The following BCL9 variants were observed in gnomAD, a reference collection of about 807,000 sequenced individuals.
BCL9 encodes the protein B-cell CLL/lymphoma 9 protein.
Under a neutral mutation model 88.5 loss-of-function variants are expected in BCL9, and 25 were observed. The observed-to-expected ratio is 0.28, with a 90% CI of 0.21 to 0.39. BCL9 has a LOEUF of 0.39. Ranked by LOEUF, BCL9 falls within the 10% of genes least tolerant of loss-of-function variation. The probability of loss-of-function intolerance (pLI) is 1.00; values close to 1 mark genes in which losing one functional copy is unlikely to be tolerated. For missense variants in BCL9, 1,817 were observed against 1,877.8 expected (o/e 0.97, Z 0.60); for synonymous variants, 711 against 673.3 (o/e 1.06, Z -0.87).
In BCL9 at chr1:147,557,883, G is replaced by A. The variant is rs148702827; in HGVS notation, c.-478+16209G>A. Among the ~76,000 whole-genome samples, 142 of 152,260 alleles carry A rather than the reference G, an allele frequency of 9.3e-4. 1 individual carries two copies. The highest frequency in any genetic ancestry group is 3.2e-3 in the African/African-American group (135 of 41,570). ...AGCAGTTGTCTAAAACAGGAAGGATGAAATTAACATTGTACTGAGTACTCA... is the reference window on the plus strand; with the variant it reads ...AGCAGTTGTCTAAAACAGGAAGGATAAAATTAACATTGTACTGAGTACTCA... On this transcript the variant is annotated intron_variant, in intron 1 of 9. Transcript: ENST00000234739.
intron 1 of BCL9, among the ~76,000 whole-genome samples, chr1:147,567,376 A>G (rs1329943760): frequency 2.0e-5 from 3 of 152,220 alleles, no homozygotes; most frequent in African/African-American, 4.8e-5. Flanking sequence ...ATCAGTAAGT[A>G]TAGGAAGAGA....
chr1:147,605,225 C>G (rs1553201834), intron 2 of BCL9, among the ~76,000 whole-genome samples: 1 of 152,144 alleles, frequency 6.6e-6, no homozygotes, highest in Non-Finnish European at 1.5e-5. Flanking sequence ...AATACACAAG[C>G]CCCAAGCTCA....
At chr1:147,576,247 G>C (rs587688200) in intron 1 of BCL9, among the ~76,000 whole-genome samples, 6 of 152,142 alleles carry the variant, frequency 3.9e-5, no homozygotes, top group African/African-American at 1.4e-4. Context: ...CTTGCACAAA[G>C]TATAAAATTC....
At chr1:147,617,486 T>C (rs976725762) in intron 7 of BCL9, among the ~76,000 whole-genome samples, 1 of 151,968 alleles carries the variant, frequency 6.6e-6, no homozygotes, top group Admixed American at 6.6e-5. Context: ...ATATGAAATA[T>C]ACTTTTAACT....
chr1:147,622,184 C>T, intron 8 of BCL9, 87 bp from the exon 9 acceptor site: 2 of 1,522,432 alleles, frequency 1.3e-6, no homozygotes, highest in East Asian at 4.5e-5. Flanking sequence ...TCATTCCTGG[C>T]CTTGCTAGTT....
Position 147,623,973 on chromosome 1 carries a change from G to A in BCL9, c.3295G>A (p.Gly1099Arg). Residue 1099 changes from glycine to arginine, a missense_variant, in exon 10 of 10, where the codon GGA becomes AGA. By Grantham distance (125) the Gly-to-Arg change is moderately radical. This residue lies in a region of BCL9 where 589 missense variants were observed against 686.2 expected (regional missense o/e 0.86). Transcript: ENST00000234739. ...TCAGATGCCCTCTCCAAATGCCGTG[G>A]GACCCAACATACCTCCTCATGGGGT... is the stretch of plus-strand genomic sequence containing the variant. ...SNQMPSPNAV[G>R]PNIPPHGVPM... 1.9e-6 allele frequency: 3 copies of A among 1,614,122 alleles called. No individual in the cohort carries two copies. The highest frequency in any genetic ancestry group is 1.1e-5 in the South Asian group (1 of 91,076).
chr1:147,620,490 A>G lies in BCL9; in HGVS notation c.2335A>G (p.Met779Val), dbSNP rs781791558. Residue 779 changes from methionine to valine, a missense_variant, in exon 8 of 10, where the codon ATG (methionine) becomes GTG (valine). Transcript: ENST00000234739. ...TGAGCACCCCCAGCAGGAGTATGGC[A>G]TGGGCCCCAGACCATTCCTTCCCAT... ...FGEHPQQEYG[M>V]GPRPFLPMSQ... is the part of the protein sequence containing the mutation. The G allele has an allele frequency of 1.2e-6, 2 of 1,614,020 alleles. No homozygotes were observed. Among genetic ancestry groups the G allele is most frequent in the Middle Eastern group, 1.6e-4 (1 of 6,084 alleles).
chr1:147,624,485 G>A lies in BCL9; in HGVS notation c.3807G>A (p.Gly1269=). Residue 1269 remains glycine, a synonymous_variant, in exon 10 of 10, where the codon GGG becomes GGA. Coordinates refer to ENST00000234739, the MANE Select transcript of BCL9 (RefSeq NM_004326.4). This position sits in a 1 kb window ranked among gnomAD's most constrained non-coding sequence, Gnocchi z 4.4. The part of the protein sequence containing the change: ...GRKQPQGPGP[G]FSHMQGMMGE... ...AACAGCCCCAGGGTCCTGGACCTGGGTTTTCACACATGCAGGGGATGATGG... is the reference window on the plus strand; with the variant it reads ...AACAGCCCCAGGGTCCTGGACCTGGATTTTCACACATGCAGGGGATGATGG... 2 of 1,614,210 alleles carry A rather than the reference G, an allele frequency of 1.2e-6. No homozygotes were observed. The highest frequency in any genetic ancestry group is 8.5e-7 in the Non-Finnish European group (1 of 1,180,030).
At chr1:147,612,456 C>CAGGGAAG (rs1658057580) in intron 4 of BCL9, among the ~76,000 whole-genome samples, 1 of 152,160 alleles carries the variant, frequency 6.6e-6, no homozygotes, top group Non-Finnish European at 1.5e-5. Flanking sequence ...TTGGGACCAG[C>CAGGGAAG]TTGCATTTTC....
rs375138650 is a variant in BCL9 at position 147,620,242 on chromosome 1, G to A, written c.2087G>A (p.Gly696Glu). 6.2e-7 allele frequency: 1 copy of A among 1,614,132 alleles called. No homozygotes were observed. Residue 696 changes from glycine to glutamate, a missense_variant, in exon 8 of 10, where the codon GGA (glycine) becomes GAA (glutamate). This residue lies in a region of BCL9 where 1,228 missense variants were observed against 1,191.6 expected (regional missense o/e 1.03). Coordinates refer to ENST00000234739, the MANE Select transcript of BCL9 (RefSeq NM_004326.4). ...CCTTCTAGGGGTGACTTTCCAAAAGGAATTCCCCCACAGATGGGCCCTGGT... is the reference window on the plus strand; with the variant it reads ...CCTTCTAGGGGTGACTTTCCAAAAGAAATTCCCCCACAGATGGGCCCTGGT... Reference protein sequence around the residue: ...LSPSRGDFPKGIPPQMGPGRE... With the variant: ...LSPSRGDFPKEIPPQMGPGRE...
chr1:147,595,161 G>T (rs1211067678), intron 1 of BCL9, among the ~76,000 whole-genome samples: 3 of 152,218 alleles, frequency 2.0e-5, no homozygotes, highest in Non-Finnish European at 4.4e-5. Flanking sequence ...CCTTAATTTT[G>T]GTTGGGATCC....
At chr1:147,575,965 C>T (rs1239419295) in intron 1 of BCL9, among the ~76,000 whole-genome samples, 2 of 152,024 alleles carry the variant, frequency 1.3e-5, no homozygotes, top group Non-Finnish European at 2.9e-5. Flanking sequence ...TAAGAATCTC[C>T]AGTTATTTTG....
intron 1 of BCL9, among the ~76,000 whole-genome samples, chr1:147,598,621 G>T (rs1158510302): frequency 2.6e-5 from 4 of 152,220 alleles, no homozygotes; most frequent in Non-Finnish European, 1.5e-5. Flanking sequence ...AGCAAGAGCA[G>T]AAGATTTATC....
intron 1 of BCL9, among the ~76,000 whole-genome samples, chr1:147,581,151 G>A (rs587640148): frequency 6.6e-6 from 1 of 152,130 alleles, no homozygotes; most frequent in African/African-American, 2.4e-5. Context: ...GTCTTATCTG[G>A]TATGTCTTGT....
intron 3 of BCL9, among the ~76,000 whole-genome samples, chr1:147,609,150 G>GA (rs1223952387): frequency 3.9e-5 from 6 of 151,982 alleles, no homozygotes; most frequent in Non-Finnish European, 7.4e-5. Context: ...TATGTTGGGG[G>GA]AAAAAAATCT....
chr1:147,611,311 C>T (rs1247414636), intron 3 of BCL9, among the ~76,000 whole-genome samples: 2 of 152,150 alleles, frequency 1.3e-5, no homozygotes, highest in Non-Finnish European at 2.9e-5. Context: ...AGAAAACTGC[C>T]TTTTTCACCT....
intron 2 of BCL9, among the ~76,000 whole-genome samples, chr1:147,606,144 ATGG>A (rs1657692369): frequency 6.6e-6 from 1 of 152,200 alleles, no homozygotes; most frequent in Admixed American, 6.5e-5. Context: ...ACAAGGACTA[ATGG>A]TGGAAATTGT....
intron 1 of BCL9, among the ~76,000 whole-genome samples, chr1:147,579,269 A>G (rs1466318976): frequency 6.6e-6 from 1 of 152,178 alleles, no homozygotes; most frequent in Non-Finnish European, 1.5e-5. Context: ...ATGGAAGGAG[A>G]GGTGAGGCAG....
chr1:147,569,926 C>T (rs1553197173), intron 1 of BCL9, among the ~76,000 whole-genome samples: 1 of 151,800 alleles, frequency 6.6e-6, no homozygotes, highest in Non-Finnish European at 1.5e-5. Context: ...AGGCCATTTT[C>T]TGAAGGGAAA....
Sources: gnomAD v4.1 joint callset for allele counts (sites outside exome capture counted in the v4.1 genomes callset) on GRCh38, gnomAD v4.1.1 for gene constraint, gnomAD v4.1.1 regional missense constraint, Gnocchi (gnomAD v3.1) non-coding constraint, MANE v1.5 for transcripts, NCBI Gene and HGNC (gene_info 2026-07-23, HGNC 2026-07-21) for gene names.